The following TRMT11 variants were observed in gnomAD, a reference collection of about 807,000 sequenced individuals.
TRMT11 encodes the protein tRNA methyltransferase 11.
Under a neutral mutation model 62.8 loss-of-function variants are expected in TRMT11, and 53 were observed. The observed-to-expected ratio is 0.84, with a 90% CI of 0.68 to 1.06. TRMT11 has a LOEUF of 1.06. Among genes scored for constraint, TRMT11 ranks in the 50% least tolerant of loss-of-function variants. The pLI is 0.00. For missense variants in TRMT11, 556 were observed against 553.4 expected, an observed-to-expected ratio of 1.00 and a Z score of -0.05; for synonymous variants, 188 against 190.3, an observed-to-expected ratio of 0.99 and a Z score of 0.10.
intron 17 of TRMT11, among the ~76,000 whole-genome samples, chr6:126,086,153 A>G (rs1315629381): frequency 6.6e-6 from 1 of 152,202 alleles, no homozygotes; most frequent in Non-Finnish European, 1.5e-5. Context: ...ACAGATTAAA[A>G]GGAAGCACGA....
At chr6:126,222,817 T>C in the TRMT11 span, among the ~76,000 whole-genome samples, 1 of 152,044 alleles carries the variant, frequency 6.6e-6, no homozygotes, top group Non-Finnish European at 1.5e-5. Flanking sequence ...ATTTAGCCTG[T>C]TTACATTCAA....
chr6:125,997,259 C>A (rs1265963877), intron 3 of TRMT11, among the ~76,000 whole-genome samples: 2 of 151,904 alleles, frequency 1.3e-5, no homozygotes, highest in Non-Finnish European at 2.9e-5. Flanking sequence ...AAATCATTTG[C>A]AAAGGAAAAA....
chr6:126,065,819 G>A (rs1164870549), intron 17 of TRMT11, among the ~76,000 whole-genome samples: 1 of 152,132 alleles, frequency 6.6e-6, no homozygotes, highest in Non-Finnish European at 1.5e-5. Flanking sequence ...GACGAGATTG[G>A]GAGCGTTGAG....
intron 8 of TRMT11, chr6:126,008,820 G>C (rs1793752818): frequency 2.6e-6 from 1 of 377,644 alleles, no homozygotes; most frequent in South Asian, 2.0e-5. Flanking sequence ...TTGACTGTGT[G>C]AGGAGTGGGC....
the TRMT11 span, among the ~76,000 whole-genome samples, chr6:126,264,722 G>A: frequency 6.6e-6 from 1 of 152,150 alleles, no homozygotes; most frequent in South Asian, 2.1e-4. Context: ...CCAGCAGACT[G>A]CATTTGGACT....
At chr6:126,122,413 C>G (rs1324977655) in intron 21 of TRMT11, among the ~76,000 whole-genome samples, 6 of 152,090 alleles carry the variant, frequency 3.9e-5, no homozygotes, top group Admixed American at 2.6e-4. Context: ...GAATCCTTCC[C>G]CAAGGAAGGT....
At chr6:126,182,165 C>A (rs908798920) in intron 1 of TRMT11, among the ~76,000 whole-genome samples, 3 of 152,110 alleles carry the variant, frequency 2.0e-5, no homozygotes, top group Non-Finnish European at 4.4e-5. Context: ...TGCATCAAAG[C>A]AGAATGGGAT....
chr6:126,180,700 A>G (rs977106643), intron 1 of TRMT11, among the ~76,000 whole-genome samples: 1 of 152,218 alleles, frequency 6.6e-6, no homozygotes, highest in African/African-American at 2.4e-5. Context: ...CTGCTTACGC[A>G]TGTGGCAATA....
chr6:126,268,453 G>A, the TRMT11 span, among the ~76,000 whole-genome samples: 3 of 152,098 alleles, frequency 2.0e-5, no homozygotes, highest in Non-Finnish European at 4.4e-5. Context: ...GGGATGAGGG[G>A]GCATACCAGT....
At chr6:126,084,162 C>G (rs1390429540) in intron 17 of TRMT11, among the ~76,000 whole-genome samples, 1 of 152,118 alleles carries the variant, frequency 6.6e-6, no homozygotes, top group African/African-American at 2.4e-5. Flanking sequence ...CTTTAGAAGT[C>G]TCCATACTGT....
chr6:126,017,206 G>A (rs1795117140), intron 11 of TRMT11, among the ~76,000 whole-genome samples: 3 of 152,102 alleles, frequency 2.0e-5, no homozygotes, highest in Non-Finnish European at 4.4e-5. Context: ...TTTTTGGTGT[G>A]GTGAATGTAG....
At chr6:126,050,213 C>A (rs1776174331) in intron 16 of TRMT11, among the ~76,000 whole-genome samples, 1 of 151,704 alleles carries the variant, frequency 6.6e-6, no homozygotes, top group African/African-American at 2.4e-5. Flanking sequence ...ACCTGTAATC[C>A]CAGCTGCTTG....
downstream of TRMT11, among the ~76,000 whole-genome samples, chr6:126,205,410 A>C (rs1356248192): frequency 1.3e-5 from 2 of 152,210 alleles, no homozygotes; most frequent in Non-Finnish European, 2.9e-5. Context: ...AGGCTGAGGC[A>C]GGAGAATTAC....
intron 21 of TRMT11, among the ~76,000 whole-genome samples, chr6:126,149,603 C>A (rs569751331): frequency 3.0e-4 from 45 of 152,166 alleles, no homozygotes; most frequent in Non-Finnish European, 5.1e-4. Context: ...ATGCTCTTAC[C>A]ACTGCATTGG....
At chr6:126,195,885 G>A (rs1778660438) in intron 1 of TRMT11, among the ~76,000 whole-genome samples, 1 of 152,032 alleles carries the variant, frequency 6.6e-6, no homozygotes, top group African/African-American at 2.4e-5. Context: ...TTCTTTCTTT[G>A]GATATTTTCA....
Position 126,015,260 on chromosome 6 carries a change from C to T in TRMT11, c.1139+2159C>T, listed in dbSNP as rs142586117. On this transcript the variant is annotated intron_variant, in intron 11 of 12. Transcript: ENST00000334379. ...CTTTTTTTTGAGATGGAGTCTCACTCTGTCACCCAGGCTGGAGTGCAGTGG... is the reference window on the plus strand; with the variant it reads ...CTTTTTTTTGAGATGGAGTCTCACTTTGTCACCCAGGCTGGAGTGCAGTGG... Among the ~76,000 whole-genome samples, 18 of 152,208 alleles carry T rather than the reference C, an allele frequency of 1.2e-4. No individual in the cohort carries two copies. The East Asian group carries it at 3.5e-3, about 29-fold the overall frequency.
chr6:126,161,935 A>G (rs980994629), intron 21 of TRMT11, among the ~76,000 whole-genome samples: 2 of 150,388 alleles, frequency 1.3e-5, no homozygotes, highest in African/African-American at 4.9e-5. Flanking sequence ...ATGGATATCA[A>G]AAGTGGATAT....
chr6:126,154,337 GTA>G (rs145240643), intron 21 of TRMT11, among the ~76,000 whole-genome samples: 13,541 of 144,040 alleles, frequency 0.094, 623 homozygotes, highest in Middle Eastern at 0.16. Context: ...GTGTGTGTGT[GTA>G]TGTGTGTGTG....
chr6:126,211,420 C>T, the TRMT11 span, among the ~76,000 whole-genome samples: 1 of 152,118 alleles, frequency 6.6e-6, no homozygotes, highest in African/African-American at 2.4e-5. Flanking sequence ...TTCTTTCCAT[C>T]TCCACTACCA....
Sources: gnomAD v4.1 joint callset for allele counts (sites outside exome capture counted in the v4.1 genomes callset) on GRCh38, gnomAD v4.1.1 for gene constraint, MANE v1.5 for transcripts, NCBI Gene and HGNC (gene_info 2026-07-23, HGNC 2026-07-21) for gene names.